Variants in B4GALT4 observed in about 807,000 individuals in gnomAD.
B4GALT4 encodes N-acetyllactosamine synthase.
A neutral mutation model predicts 37.3 loss-of-function variants in B4GALT4; 27 were observed. The ratio of observed to expected loss-of-function variants is 0.72; its 90% CI spans 0.53 to 1.00. The LOEUF (loss-of-function observed/expected upper bound fraction) is 1.00, where lower values mean the gene tolerates loss of function less well. Ranked by LOEUF, B4GALT4 falls within the 50% of genes least tolerant of loss-of-function variation. B4GALT4 has a pLI of 0.00. For missense variants in B4GALT4, 372 were observed against 413.1 expected, an observed-to-expected ratio of 0.90 and a Z score of 0.86; for synonymous variants, 148 against 154.1, an observed-to-expected ratio of 0.96 and a Z score of 0.29.
At chr3:119,225,427 C>T (rs1164182476) in intron 4 of B4GALT4, among the ~76,000 whole-genome samples, 3 of 151,976 alleles carry the variant, frequency 2.0e-5, no homozygotes, top group Admixed American at 2.0e-4. Flanking sequence ...GATGGAATCT[C>T]GCTCTGTTGC....
chr3:119,239,817 T>C (rs1050110253), intron 1 of B4GALT4, among the ~76,000 whole-genome samples: 3 of 151,972 alleles, frequency 2.0e-5, no homozygotes, highest in African/African-American at 7.2e-5. Flanking sequence ...CTGAACTATA[T>C]CCAATCAAGC....
Position 119,229,951 on chromosome 3 carries a change from T to G in B4GALT4, c.149A>C (p.Asn50Thr). 4 of 1,614,174 alleles carry G rather than the reference T, an allele frequency of 2.5e-6. No individual in the cohort carries two copies. Among genetic ancestry groups the G allele is most frequent in the Non-Finnish European group, 3.4e-6 (4 of 1,180,030 alleles). ...CCCCAAAATGAGGGTCTTATGGAAA[T>G]TAGCCATGAACTCCTTTGCTTTAGG... ...EIPKAKEFMA[N>T]FHKTLILGKG... Residue 50 changes from asparagine to threonine, a missense_variant, in exon 3 of 8, where the codon AAT becomes ACT. Transcript: ENST00000393765.
chr3:119,215,543 T>A (rs994853035), intron 7 of B4GALT4: 1 of 152,200 alleles, frequency 6.6e-6, no homozygotes, highest in Admixed American at 6.5e-5. Flanking sequence ...AAACTCCCCT[T>A]CATATATACA....
chr3:119,224,161 T>C lies in B4GALT4; in HGVS notation c.571A>G (p.Ile191Val). ...GGTACCAGGTCCACATCGTGGAATA[T>C]AAAGCAGTCCCAATTTTCTTCCTTG... is the stretch of plus-strand genomic sequence containing the variant. ...ALKEENWDCFIFHDVDLVPEN... is the reference protein window; with the variant it reads ...ALKEENWDCFVFHDVDLVPEN... The change falls in exon 5 of 8, where the codon ATA becomes GTA. Residue 191 changes from isoleucine (I) to valine (V), a missense_variant. Transcript: ENST00000393765. The C allele has an allele frequency of 1.2e-6, 2 of 1,614,098 alleles. No homozygotes were observed. Among genetic ancestry groups the C allele is most frequent in the Non-Finnish European group, 1.7e-6 (2 of 1,179,984 alleles).
At chr3:119,214,221 A>AG (rs1168943151) in intron 7 of B4GALT4, 2 of 152,158 alleles carry the variant, frequency 1.3e-5, no homozygotes, top group Non-Finnish European at 2.9e-5. Context: ...ACCCTGCCTC[A>AG]GAAAAAAATA....
Position 119,226,815 on chromosome 3 carries a change from G to C in B4GALT4, c.480C>G (p.Ile160Met), listed in dbSNP as rs770135432. 1.2e-6 allele frequency: 2 copies of C among 1,613,174 alleles called. No homozygotes were observed. Among genetic ancestry groups the C allele is most frequent in the East Asian group, 4.5e-5 (2 of 44,872 alleles). The change falls in exon 4 of 8, where the codon ATC becomes ATG. Residue 160 changes from isoleucine to methionine, a missense_variant. By Grantham distance (10) the Ile-to-Met change is conservative (BLOSUM62 1). Coordinates refer to ENST00000393765, the MANE Select transcript of B4GALT4 (RefSeq NM_003778.4). ...GGTCTGCCCCCACGCTCACCTGGTG[G>C]ATGACGTAGATGCCATAATCCAGCT... is the stretch of plus-strand genomic sequence containing the variant. ...RQQLDYGIYV[I>M]HQAEGKKFNR...
At chr3:119,220,012 T>C (rs2078403801) in intron 5 of B4GALT4, among the ~76,000 whole-genome samples, 1 of 152,170 alleles carries the variant, frequency 6.6e-6, no homozygotes, top group Admixed American at 6.5e-5. Flanking sequence ...ACACTGGCCA[T>C]CAAACAAGTG....
chr3:119,227,669 A>G (rs1433051679), intron 3 of B4GALT4, among the ~76,000 whole-genome samples: 1 of 152,358 alleles, frequency 6.6e-6, no homozygotes, highest in East Asian at 1.9e-4. Context: ...AGTGTCTGGA[A>G]GCAATCCAAA....
At chr3:119,216,068 A>C in intron 7 of B4GALT4, 172 bp downstream of exon 7, 1 of 408,238 alleles carries the variant, frequency 2.4e-6, no homozygotes, top group Non-Finnish European at 4.3e-6. Flanking sequence ...AGAACTGTAG[A>C]CGTGAGGGTT....
At chr3:119,231,678 T>TC (rs2078821855) in intron 2 of B4GALT4, among the ~76,000 whole-genome samples, 1 of 149,190 alleles carries the variant, frequency 6.7e-6, no homozygotes, top group African/African-American at 2.4e-5. Context: ...GTTTATTTTT[T>TC]CTCTTTTCTT....
In B4GALT4 at chr3:119,224,173, A is replaced by G. The variant is rs1258848577; in HGVS notation, c.559T>C (p.Trp187Arg). 1 of 1,613,918 alleles carries G rather than the reference A, an allele frequency of 6.2e-7. No individual in the cohort carries two copies. The highest frequency in any genetic ancestry group is 1.3e-5 in the African/African-American group (1 of 74,908). ...GYLEALKEEN[W>R]DCFIFHDVDL... ...ACATCGTGGAATATAAAGCAGTCCC[A>G]ATTTTCTTCCTTGAGGGCTTCTAGA... Residue 187 changes from tryptophan (W) to arginine (R), a missense_variant, in exon 5 of 8, where the codon TGG (tryptophan) becomes CGG (arginine). By Grantham distance (101) the Trp-to-Arg change is moderately radical (BLOSUM62 -3). Coordinates refer to ENST00000393765, the MANE Select transcript of B4GALT4 (RefSeq NM_003778.4).
rs184062842 is a variant in B4GALT4, at chr3:119,212,063, C to G, written c.*486G>C. The stretch of plus-strand genomic sequence containing the variant: ...CCTTTTCTCCCCTCTTTTGTGGACG[C>G]CTTCTCACCTGACACCACCACTTCA... On this transcript the variant is annotated 3_prime_UTR_variant, in exon 8 of 8. Transcript: ENST00000393765. 159 of 685,186 alleles carry G rather than the reference C, an allele frequency of 2.3e-4. No individual in the cohort carries two copies. The African/African-American group carries it at 2.5e-3, about 11-fold the overall frequency. The allele number at this position is 685,186 out of a possible 1,614,324, so 42.4% of individuals were successfully genotyped here. A position where few individuals can be genotyped will look rare whatever the true frequency, so the allele number is the denominator to read the frequency against.
chr3:119,218,936 C>T (rs1296694213), intron 5 of B4GALT4, among the ~76,000 whole-genome samples, 164 bp from the exon 6 acceptor site: 1 of 152,036 alleles, frequency 6.6e-6, no homozygotes, highest in African/African-American at 2.4e-5. Flanking sequence ...CCTTCCCTGT[C>T]TTGTCTTCTT....
At chr3:119,229,222 G>A (rs1416837314) in intron 3 of B4GALT4, among the ~76,000 whole-genome samples, 2 of 152,182 alleles carry the variant, frequency 1.3e-5, no homozygotes. Context: ...GCCATGAGGA[G>A]AACATACCCA....
intron 2 of B4GALT4, among the ~76,000 whole-genome samples, chr3:119,233,350 A>T (rs2078883486): frequency 6.6e-6 from 1 of 152,170 alleles, no homozygotes. Context: ...AGAATCTAAA[A>T]CTGTCCTAAA....
Position 119,230,466 on chromosome 3 carries a change from C to A in B4GALT4, c.-145-222G>T, listed in dbSNP as rs554625103. 713 of 235,856 alleles carry A rather than the reference C, an allele frequency of 3.0e-3. 27 individuals are homozygous for A. The South Asian group carries it at 0.043, about 14-fold the overall frequency. The allele number at this position is 235,856 out of a possible 1,614,324, so 14.6% of individuals were successfully genotyped here. A position where few individuals can be genotyped will look rare whatever the true frequency, so the allele number is the denominator to read the frequency against. ...CTAGTTTATCAGCCAGGCTGTCTGC[C>A]ACCCAAGAAGGGAAGCAATTTCCAA... On this transcript the variant is annotated intron_variant, in intron 2 of 7. Coordinates refer to ENST00000393765, the MANE Select transcript of B4GALT4 (RefSeq NM_003778.4).
intron 6 of B4GALT4, among the ~76,000 whole-genome samples, chr3:119,218,306 G>T (rs1475474423): frequency 6.6e-6 from 1 of 152,202 alleles, no homozygotes; most frequent in African/African-American, 2.4e-5. Context: ...CTGACAGAAA[G>T]CATGAGGCTC....
intron 1 of B4GALT4, chr3:119,240,483 T>A (rs2079122791): frequency 6.6e-6 from 1 of 152,228 alleles, no homozygotes; most frequent in Non-Finnish European, 1.5e-5. Context: ...CTTTTTCAGG[T>A]TGATGCACCC....
At chr3:119,216,102 T>G (rs1271770130) in intron 7 of B4GALT4, 138 bp downstream of exon 7, 2 of 565,806 alleles carry the variant, frequency 3.5e-6, no homozygotes, top group Non-Finnish European at 5.7e-6. Flanking sequence ...TCTCTCCTTT[T>G]GTGTCTGTTT....
Sources: allele counts gnomAD v4.1 joint callset (sites outside exome capture counted in the v4.1 genomes callset), GRCh38; gene constraint gnomAD v4.1.1; transcripts MANE v1.5; gene names NCBI Gene and HGNC (gene_info 2026-07-23, HGNC 2026-07-21).